GJB7: variants seen among roughly 807,000 people sequenced by gnomAD.
The protein encoded by GJB7 is gap junction beta-7 protein.
For missense variants in GJB7, 253 were observed against 256.8 expected (o/e 0.99, Z 0.10); for synonymous variants, 87 against 95.2 (o/e 0.91, Z 0.50).
intron 2 of GJB7, among the ~76,000 whole-genome samples, chr6:87,317,124 G>T (rs998509282): frequency 1.3e-5 from 2 of 151,608 alleles, no homozygotes; most frequent in Non-Finnish European, 2.9e-5. Flanking sequence ...GGAGGCTGAG[G>T]TGGATGGATC....
At chr6:87,315,350 C>G (rs1018931855) in intron 2 of GJB7, among the ~76,000 whole-genome samples, 2 of 152,146 alleles carry the variant, frequency 1.3e-5, no homozygotes, top group African/African-American at 4.8e-5. Flanking sequence ...AGGGCACAAA[C>G]CCAAACAAGG....
At chr6:87,298,087 T>C (rs983094067) in intron 2 of GJB7, among the ~76,000 whole-genome samples, 5 of 152,216 alleles carry the variant, frequency 3.3e-5, no homozygotes, top group African/African-American at 1.2e-4. Flanking sequence ...TCAAAGGGAA[T>C]GGAGGGCTCT....
intron 2 of GJB7, among the ~76,000 whole-genome samples, chr6:87,300,965 T>C (rs1220431958): frequency 6.6e-6 from 1 of 152,188 alleles, no homozygotes; most frequent in Non-Finnish European, 1.5e-5. Context: ...TTAAAATAGC[T>C]ATTAATGTAT....
chr6:87,297,150 G>A (rs1455522972), intron 2 of GJB7, among the ~76,000 whole-genome samples: 2 of 152,196 alleles, frequency 1.3e-5, no homozygotes, highest in South Asian at 2.1e-4. Flanking sequence ...AGGACCCAAC[G>A]AAGGGTTTGG....
intron 2 of GJB7, among the ~76,000 whole-genome samples, chr6:87,312,465 G>A: frequency 6.9e-6 from 1 of 144,076 alleles, no homozygotes; most frequent in East Asian, 2.1e-4. Flanking sequence ...GAGCCGAGAT[G>A]ACACCACTGC....
chr6:87,312,150 A>C (rs1351944418), intron 2 of GJB7, among the ~76,000 whole-genome samples: 2 of 152,088 alleles, frequency 1.3e-5, no homozygotes, highest in East Asian at 3.9e-4. Context: ...ATCAAGCAGT[A>C]GACTTAGAAT....
chr6:87,284,402 A>C lies in GJB7; in HGVS notation c.511T>G (p.Ser171Ala). ...PCPNTVDCFI[S>A]KPTEKTIFIL... ...AAGATCGTCTTCTCAGTGGGTTTGG[A>C]GATGAAGCAGTCCACAGTGTTGGGA... Residue 171 changes from serine to alanine, a missense_variant, in exon 3 of 3, where the codon TCC (serine) becomes GCC (alanine). Transcript: ENST00000525899. The C allele has an allele frequency of 6.2e-7, 1 of 1,614,200 alleles. No individual in the cohort carries two copies.
At chr6:87,286,964 T>C (rs977503280) in intron 2 of GJB7, among the ~76,000 whole-genome samples, 16 of 152,252 alleles carry the variant, frequency 1.1e-4, no homozygotes, top group Admixed American at 6.5e-4. Context: ...GGCTGATTAA[T>C]TCTTTGTTTC....
At chr6:87,293,287 C>T (rs1776206389) in intron 2 of GJB7, among the ~76,000 whole-genome samples, 1 of 152,294 alleles carries the variant, frequency 6.6e-6, no homozygotes, top group Middle Eastern at 3.4e-3. Flanking sequence ...CCTCGGCCTC[C>T]CAAAGTGTTG....
chr6:87,299,315 A>T, intron 2 of GJB7: 1 of 478,300 alleles, frequency 2.1e-6, no homozygotes, highest in Non-Finnish European at 4.2e-6. Context: ...ATCATTTCTG[A>T]TGCAAATAAA....
At chr6:87,296,862 T>G (rs1776255006) in intron 2 of GJB7, among the ~76,000 whole-genome samples, 1 of 152,168 alleles carries the variant, frequency 6.6e-6, no homozygotes, top group African/African-American at 2.4e-5. Flanking sequence ...TATGATTATT[T>G]CAGAGCCGAC....
Position 87,284,300 on chromosome 6 carries a change from A to G in GJB7, c.613T>C (p.Cys205Arg). ...FIELSFLVLK[C>R]FIKCCLQKYL... is the part of the protein sequence containing the mutation. ...TTTTGGAGACAGCACTTAATAAAGCACTTGAGAACCAAAAAACTCAGTTCA... is the reference window on the plus strand; with the variant it reads ...TTTTGGAGACAGCACTTAATAAAGCGCTTGAGAACCAAAAAACTCAGTTCA... Residue 205 changes from cysteine (C) to arginine (R), a missense_variant, in exon 3 of 3, where the codon TGC becomes CGC. By Grantham distance (180) the Cys-to-Arg change is radical. Transcript: ENST00000525899. 6.2e-7 allele frequency: 1 copy of G among 1,614,040 alleles called. No individual in the cohort carries two copies. Among genetic ancestry groups the G allele is most frequent in the South Asian group, 1.1e-5 (1 of 91,078 alleles).
chr6:87,316,161 G>A (rs1145716), intron 2 of GJB7, among the ~76,000 whole-genome samples: 95,295 of 151,960 alleles, frequency 0.63, 30,326 homozygotes, highest in African/African-American at 0.7. Flanking sequence ...CTGATGCGCA[G>A]ATATCTTCCC....
At chr6:87,303,967 T>C (rs1377436396) in intron 2 of GJB7, among the ~76,000 whole-genome samples, 2 of 152,170 alleles carry the variant, frequency 1.3e-5, no homozygotes, top group Non-Finnish European at 2.9e-5. Context: ...AAGATGTTCT[T>C]TGAAACCCAT....
chr6:87,315,854 G>GAC (rs1314223534), intron 2 of GJB7, among the ~76,000 whole-genome samples: 1 of 146,888 alleles, frequency 6.8e-6, no homozygotes, highest in Non-Finnish European at 1.5e-5. Flanking sequence ...CATGAGACAA[G>GAC]ACATTCCTGT....
At chr6:87,291,898 C>T (rs1319990008) in intron 2 of GJB7, 13 of 152,158 alleles carry the variant, frequency 8.5e-5, no homozygotes, top group Admixed American at 8.5e-4. Context: ...ATTAAATAGA[C>T]AAAACCTATC....
At chr6:87,292,364 G>A (rs1202212230) in intron 2 of GJB7, among the ~76,000 whole-genome samples, 6 of 152,108 alleles carry the variant, frequency 3.9e-5, no homozygotes, top group Non-Finnish European at 4.4e-5. Context: ...ATTTATCTTT[G>A]ATGAGCTTAA....
chr6:87,308,145 A>G (rs1776460296), intron 2 of GJB7, among the ~76,000 whole-genome samples: 2 of 151,106 alleles, frequency 1.3e-5, no homozygotes, highest in African/African-American at 4.9e-5. Flanking sequence ...CAAACACCGC[A>G]TGTTCTCACT....
At chr6:87,313,047 A>G (rs1047485544) in intron 2 of GJB7, among the ~76,000 whole-genome samples, 2 of 152,252 alleles carry the variant, frequency 1.3e-5, no homozygotes, top group African/African-American at 2.4e-5. Context: ...ATCATTAATC[A>G]AGAAAAGCAC....
Sources: allele counts gnomAD v4.1 joint callset (sites outside exome capture counted in the v4.1 genomes callset), GRCh38; gene constraint gnomAD v4.1.1; transcripts MANE v1.5; gene names NCBI Gene and HGNC (gene_info 2026-07-23, HGNC 2026-07-21).